TTC28: variants seen among roughly 807,000 people sequenced by gnomAD.
TTC28 encodes the protein tetratricopeptide repeat protein 28.
In TTC28, 61 loss-of-function variants were observed where a neutral mutation model predicts 198.0. That is an observed-to-expected ratio of 0.31 (90% CI 0.25 to 0.38). The LOEUF is 0.38. Ranked by LOEUF, TTC28 falls within the 10% of genes least tolerant of loss-of-function variation. The pLI is 1.00. For missense variants in TTC28, 2,678 were observed against 3,164.0 expected, an observed-to-expected ratio of 0.85 and a Z score of 3.69; for synonymous variants, 1,171 against 1,297.8, an observed-to-expected ratio of 0.90 and a Z score of 2.10.
chr22:28,361,184 A>G (rs1480403351), intron 2 of TTC28, among the ~76,000 whole-genome samples: 1 of 152,218 alleles, frequency 6.6e-6, no homozygotes, highest in Non-Finnish European at 1.5e-5. Context: ...GCTAGAAATG[A>G]TTATGCTTAG....
intron 12 of TTC28, among the ~76,000 whole-genome samples, chr22:28,073,556 G>GAGCGTAA (rs1256542104): frequency 1.3e-5 from 2 of 152,180 alleles, no homozygotes; most frequent in Non-Finnish European, 2.9e-5. Context: ...AGGAAACAAG[G>GAGCGTAA]AGCGTAAAGC....
At position 27,998,832 on chromosome 22, in the gene TTC28, G is replaced by A. The variant is rs1181794613; in HGVS notation, c.4827C>T (p.Ala1609=). 5.2e-6 allele frequency: 8 copies of A among 1,550,194 alleles called. No individual in the cohort carries two copies. Among genetic ancestry groups the A allele is most frequent in the East Asian group, 2.4e-5 (1 of 40,936 alleles). ...PPLQELLLTA[A]DVLDLQLPVK... is the part of the protein sequence containing the mutation. ...CAGGCAGCTGCAGGTCCAGGACGTCGGCGGCAGTAAGCAGCAGCTCCTGCA... is the reference window on the plus strand; with the variant it reads ...CAGGCAGCTGCAGGTCCAGGACGTCAGCGGCAGTAAGCAGCAGCTCCTGCA... Residue 1609 remains alanine (A), a synonymous_variant, in exon 16 of 23, where the codon GCC becomes GCT. Coordinates refer to ENST00000397906, the MANE Select transcript of TTC28 (RefSeq NM_001145418.2).
chr22:27,987,987 G>T (rs1937269659), intron 21 of TTC28, among the ~76,000 whole-genome samples: 1 of 152,174 alleles, frequency 6.6e-6, no homozygotes, highest in Admixed American at 6.5e-5. Context: ...CTGTGTGGGA[G>T]GGTTGCTTGA....
chr22:28,259,040 TGGGAA>T (rs1273358512), intron 5 of TTC28, among the ~76,000 whole-genome samples: 1 of 152,026 alleles, frequency 6.6e-6, no homozygotes. Context: ...GCTGTGGTAG[TGGGAA>T]GCTAGAGAAA....
chr22:28,376,821 C>T (rs996241523), intron 2 of TTC28, among the ~76,000 whole-genome samples: 7 of 152,108 alleles, frequency 4.6e-5, no homozygotes, highest in Non-Finnish European at 8.8e-5. Context: ...GAGAGTGCCC[C>T]GACCTGACGT....
chr22:28,486,347 T>C (rs1224701410), intron 2 of TTC28, among the ~76,000 whole-genome samples: 7 of 152,128 alleles, frequency 4.6e-5, no homozygotes, highest in African/African-American at 1.7e-4. Flanking sequence ...CAAACTGCAT[T>C]AATTTTCTTT....
chr22:28,588,439 T>C (rs1415719903), intron 2 of TTC28, among the ~76,000 whole-genome samples: 1 of 152,066 alleles, frequency 6.6e-6, no homozygotes, highest in Non-Finnish European at 1.5e-5. Flanking sequence ...CTAGAAACCA[T>C]CAGAGGGCTG....
intron 5 of TTC28, among the ~76,000 whole-genome samples, chr22:28,243,201 A>G (rs867425733): frequency 0.01 from 1,148 of 113,544 alleles, 50 homozygotes; most frequent in African/African-American, 0.032. Context: ...AAAAAAAAAA[A>G]AAAAAAAAAA....
intron 2 of TTC28, among the ~76,000 whole-genome samples, chr22:28,498,933 T>C (rs2048496821): frequency 6.6e-6 from 1 of 152,204 alleles, no homozygotes; most frequent in South Asian, 2.1e-4. Context: ...CCCAGCACTT[T>C]GGGAGGCTGA....
At chr22:28,373,119 T>C (rs2145997441) in intron 2 of TTC28, among the ~76,000 whole-genome samples, 1 of 152,288 alleles carries the variant, frequency 6.6e-6, no homozygotes, top group African/African-American at 2.4e-5. Flanking sequence ...TTGGAAATAT[T>C]GTCACATTAT....
At chr22:28,070,111 A>C (rs1940911648) in intron 12 of TTC28, among the ~76,000 whole-genome samples, 2 of 152,224 alleles carry the variant, frequency 1.3e-5, no homozygotes, top group African/African-American at 4.8e-5. Context: ...TTCAGCTTTA[A>C]CATAATTATA....
At chr22:28,238,856 G>A (rs1929445862) in intron 5 of TTC28, among the ~76,000 whole-genome samples, 1 of 152,160 alleles carries the variant, frequency 6.6e-6, no homozygotes, top group African/African-American at 2.4e-5. Flanking sequence ...ATTTCTGGAG[G>A]TCTTTCTCTT....
intron 2 of TTC28, among the ~76,000 whole-genome samples, chr22:28,316,249 T>A (rs2045349298): frequency 6.6e-6 from 1 of 152,162 alleles, no homozygotes; most frequent in Non-Finnish European, 1.5e-5. Flanking sequence ...TGCAGGCTGT[T>A]CTTTTGCTTG....
intron 2 of TTC28, among the ~76,000 whole-genome samples, chr22:28,474,666 CAA>C (rs1246186701): frequency 6.6e-6 from 1 of 152,124 alleles, no homozygotes; most frequent in East Asian, 1.9e-4. Flanking sequence ...TAAGGTAGAA[CAA>C]AAGACTCAAA....
intron 2 of TTC28, among the ~76,000 whole-genome samples, chr22:28,534,639 A>T (rs1296539694): frequency 6.6e-6 from 1 of 152,210 alleles, no homozygotes. Flanking sequence ...CACTATTCAC[A>T]ATAGCAAAGA....
At chr22:28,414,024 A>G (rs971113697) in intron 2 of TTC28, among the ~76,000 whole-genome samples, 1 of 152,354 alleles carries the variant, frequency 6.6e-6, no homozygotes. Flanking sequence ...ACCTAGACAC[A>G]TGTCAAAGCT....
intron 12 of TTC28, among the ~76,000 whole-genome samples, chr22:28,042,320 G>A (rs528421119): frequency 1.3e-5 from 2 of 151,976 alleles, no homozygotes; most frequent in East Asian, 3.9e-4. Flanking sequence ...GCAAAAACTT[G>A]GAACCAACCC....
At position 27,983,730 on chromosome 22, in the gene TTC28, G is replaced by A; in HGVS notation, c.5937C>T (p.Pro1979=). ...PLGYQQPPFS[P]TGADSIASDA... is the part of the protein sequence containing the mutation. ...CTGAGGCGATGCTGTCCGCACCGGT[G>A]GGAGAGAAGGGGGGTTGCTGGTAAC... Residue 1979 remains proline (P), a synonymous_variant, in exon 23 of 23, where the codon CCC becomes CCT. Transcript: ENST00000397906. 1 of 1,551,660 alleles carries A rather than the reference G, an allele frequency of 6.4e-7. No homozygotes were observed. The highest frequency in any genetic ancestry group is 8.7e-7 in the Non-Finnish European group (1 of 1,146,996).
In TTC28 at chr22:28,107,954, C is replaced by T; in HGVS notation, c.1891G>A (p.Glu631Lys). The T allele has an allele frequency of 6.4e-7, 1 of 1,551,710 alleles. No homozygotes were observed. The highest frequency in any genetic ancestry group is 8.7e-7 in the Non-Finnish European group (1 of 1,147,016). ...LRLAPDLQDM[E>K]GEGKVCHNLG... ...TTGTGGCAGACCTTCCCTTCTCCTT[C>T]CATGTCTTGAAGGTCGGGAGCAAGC... Residue 631 changes from glutamate to lysine, a missense_variant, in exon 7 of 23, where the codon GAA (glutamate) becomes AAA (lysine). By Grantham distance (56) the Glu-to-Lys change is moderately conservative. This residue lies in a region of TTC28 where 775 missense variants were observed against 845.9 expected (regional missense o/e 0.92). Coordinates refer to ENST00000397906, the MANE Select transcript of TTC28 (RefSeq NM_001145418.2).
Sources: allele counts gnomAD v4.1 joint callset (sites outside exome capture counted in the v4.1 genomes callset), GRCh38; gene constraint gnomAD v4.1.1; regional missense constraint gnomAD v4.1.1; transcripts MANE v1.5; gene names NCBI Gene and HGNC (gene_info 2026-07-23, HGNC 2026-07-21).